The following DTWD2 variants were observed in gnomAD, a reference collection of about 807,000 sequenced individuals.
DTWD2 encodes the protein tRNA-uridine aminocarboxypropyltransferase 2.
In DTWD2, 39 loss-of-function variants were observed where a neutral mutation model predicts 31.8. The observed-to-expected ratio is 1.22, with a 90% CI of 0.95 to 1.60. The LOEUF is 1.60. Ranked by LOEUF, DTWD2 falls within the 40% of genes most tolerant of loss-of-function variation. The pLI, the probability that DTWD2 is intolerant of heterozygous loss-of-function variation, is 0.00. For missense variants in DTWD2, 515 were observed against 381.5 expected (o/e 1.35, Z -2.92); for synonymous variants, 180 against 142.8 (o/e 1.26, Z -1.86).
intron 4 of DTWD2, among the ~76,000 whole-genome samples, chr5:118,883,989 A>G (rs545466618): frequency 3.3e-5 from 5 of 152,242 alleles, no homozygotes; most frequent in Non-Finnish European, 7.3e-5. Context: ...AAAATTAGAC[A>G]GCAGATTTTT....
chr5:118,961,974 G>C (rs1376153608), intron 1 of DTWD2, among the ~76,000 whole-genome samples: 1 of 152,202 alleles, frequency 6.6e-6, no homozygotes, highest in South Asian at 2.1e-4. Flanking sequence ...AGGCGCAGTG[G>C]CTCATGCCGG....
chr5:118,980,799 A>G (rs1166489837), intron 1 of DTWD2, among the ~76,000 whole-genome samples: 1 of 152,234 alleles, frequency 6.6e-6, no homozygotes, highest in Non-Finnish European at 1.5e-5. Context: ...TTCCACTCCT[A>G]GACAGTAATG....
At chr5:118,944,485 A>C in intron 2 of DTWD2, 74 bp downstream of exon 2, 1 of 1,399,870 alleles carries the variant, frequency 7.1e-7, no homozygotes, top group South Asian at 1.2e-5. Flanking sequence ...TGGTAAGGAT[A>C]AGTATGTTTA....
rs1221911657 is a variant in DTWD2, at chr5:118,840,198, T to C, written c.*719A>G. 4 of 152,220 alleles carry C rather than the reference T, an allele frequency of 2.6e-5. No homozygotes were observed. The East Asian group carries it at 7.7e-4, about 29-fold the overall frequency. The allele number at this position is 152,220 out of a possible 1,614,324, so 9.4% of individuals were successfully genotyped here. The stretch of plus-strand genomic sequence containing the variant: ...TAACAATTGTATCATATTCCACTTA[T>C]TATTTTCCATATGAAAACATCAATA... On this transcript the variant is annotated 3_prime_UTR_variant, in exon 6 of 6. Transcript: ENST00000510708.
chr5:118,857,461 T>C (rs1580769680), intron 4 of DTWD2, among the ~76,000 whole-genome samples: 1 of 152,192 alleles, frequency 6.6e-6, no homozygotes, highest in South Asian at 2.1e-4. Flanking sequence ...TGGCCATATA[T>C]CGTTTTTTGT....
chr5:118,860,397 G>T (rs1580771465), intron 4 of DTWD2, among the ~76,000 whole-genome samples: 1 of 151,104 alleles, frequency 6.6e-6, no homozygotes, highest in African/African-American at 2.4e-5. Context: ...TTTTATAATA[G>T]TATAATACTT....
At chr5:118,905,822 G>T (rs1015079466) in intron 4 of DTWD2, among the ~76,000 whole-genome samples, 3 of 152,054 alleles carry the variant, frequency 2.0e-5, no homozygotes, top group African/African-American at 7.2e-5. Flanking sequence ...TAATCTGGTA[G>T]ATTCCTTATT....
chr5:118,924,010 G>C (rs1753759429), intron 4 of DTWD2, among the ~76,000 whole-genome samples: 1 of 152,184 alleles, frequency 6.6e-6, no homozygotes, highest in East Asian at 1.9e-4. Flanking sequence ...GCCCAGTGTG[G>C]CTTCACACTA....
At chr5:118,923,623 G>A (rs1753751252) in intron 4 of DTWD2, among the ~76,000 whole-genome samples, 1 of 152,128 alleles carries the variant, frequency 6.6e-6, no homozygotes, top group Admixed American at 6.6e-5. Context: ...TGACCTTCAG[G>A]CACCCTCTTG....
At chr5:118,979,205 G>T (rs1265654980) in intron 1 of DTWD2, among the ~76,000 whole-genome samples, 2 of 152,118 alleles carry the variant, frequency 1.3e-5, no homozygotes, top group Non-Finnish European at 2.9e-5. Flanking sequence ...TCGGGAGGCT[G>T]AGGCAGGAGA....
intron 1 of DTWD2, among the ~76,000 whole-genome samples, chr5:118,978,443 T>A (rs1236355192): frequency 1.3e-5 from 2 of 152,086 alleles, no homozygotes. Flanking sequence ...ACAGACAACC[T>A]ACAGAATGGG....
At position 118,982,792 on chromosome 5, in the gene DTWD2, G is replaced by A. The variant is rs573249283; in HGVS notation, c.218+5502C>T. Among the ~76,000 whole-genome samples the A allele has an allele frequency of 8.0e-5, 12 of 149,800 alleles. No homozygotes were observed. In the East Asian group the frequency reaches 1.6e-3, roughly 20 times the overall value. On this transcript the variant is annotated intron_variant, in intron 1 of 5. Transcript: ENST00000510708. ...CAACCTCCGCCTCCCAAGTTCAAGC[G>A]ATTCTCCTGCCTCAGCCTCCCAAGT...
intron 4 of DTWD2, among the ~76,000 whole-genome samples, chr5:118,895,376 G>A (rs997318576): frequency 6.6e-6 from 1 of 152,086 alleles, no homozygotes; most frequent in African/African-American, 2.4e-5. Flanking sequence ...ACAAAAAAAT[G>A]GAAAGATATC....
At chr5:118,986,633 T>C (rs959188139) in intron 1 of DTWD2, among the ~76,000 whole-genome samples, 4 of 152,196 alleles carry the variant, frequency 2.6e-5, no homozygotes, top group Non-Finnish European at 5.9e-5. Context: ...AGAACTCTAA[T>C]AGCATAATGA....
At chr5:118,914,183 A>G (rs1450585228) in intron 4 of DTWD2, among the ~76,000 whole-genome samples, 1 of 152,296 alleles carries the variant, frequency 6.6e-6, no homozygotes, top group Middle Eastern at 3.4e-3. Context: ...CAATGTGACA[A>G]TGTTATGAGG....
chr5:118,855,035 C>T (rs1471858837), intron 4 of DTWD2, among the ~76,000 whole-genome samples: 1 of 151,456 alleles, frequency 6.6e-6, no homozygotes, highest in African/African-American at 2.4e-5. Context: ...AGCGTGGTGG[C>T]ATGCACCTGT....
At chr5:118,942,054 A>T (rs979248142) in intron 2 of DTWD2, among the ~76,000 whole-genome samples, 3 of 151,952 alleles carry the variant, frequency 2.0e-5, no homozygotes, top group Non-Finnish European at 2.9e-5. Flanking sequence ...AATTTGTTTG[A>T]GTTCTTTGTA....
chr5:118,865,439 T>C (rs1190189802), intron 4 of DTWD2, among the ~76,000 whole-genome samples: 1 of 151,748 alleles, frequency 6.6e-6, no homozygotes, highest in African/African-American at 2.4e-5. Context: ...ATATGGTCTA[T>C]GTAAAAAAAA....
chr5:118,976,451 A>T (rs1289209710), intron 1 of DTWD2, among the ~76,000 whole-genome samples: 1 of 151,922 alleles, frequency 6.6e-6, no homozygotes, highest in Non-Finnish European at 1.5e-5. Flanking sequence ...AGCCAGACTA[A>T]TAAAGAAGAA....
Sources: allele counts gnomAD v4.1 joint callset (sites outside exome capture counted in the v4.1 genomes callset), GRCh38; gene constraint gnomAD v4.1.1; transcripts MANE v1.5; gene names NCBI Gene and HGNC (gene_info 2026-07-23, HGNC 2026-07-21).